Variants in CADM2 observed in about 807,000 individuals in gnomAD.
The protein encoded by CADM2 is cell adhesion molecule 2.
A neutral mutation model predicts 49.8 loss-of-function variants in CADM2; 12 were observed. The observed-to-expected ratio is 0.24, with a 90% CI of 0.15 to 0.39. The LOEUF is 0.39. Among genes scored for constraint, CADM2 ranks in the 10% least tolerant of loss-of-function variants. The pLI is 1.00. For synonymous variants in CADM2, 214 were observed against 175.4 expected, an observed-to-expected ratio of 1.22 and a Z score of -1.74; for missense variants, 378 against 492.3, an observed-to-expected ratio of 0.77 and a Z score of 2.20.
intron 3 of CADM2, among the ~76,000 whole-genome samples, chr3:85,828,801 G>GAT (rs1301304574): frequency 6.6e-6 from 1 of 151,908 alleles, no homozygotes. Flanking sequence ...CTGTGAGGGA[G>GAT]ATAATAATGA....
At chr3:85,621,462 GA>G (rs760230228) in intron 1 of CADM2, among the ~76,000 whole-genome samples, 1 of 152,052 alleles carries the variant, frequency 6.6e-6, no homozygotes, top group Non-Finnish European at 1.5e-5. Flanking sequence ...AACTAACTTT[GA>G]AAATTTGAAT....
At chr3:85,645,297 G>T (rs1412053326) in intron 1 of CADM2, among the ~76,000 whole-genome samples, 1 of 151,886 alleles carries the variant, frequency 6.6e-6, no homozygotes, top group Non-Finnish European at 1.5e-5. Context: ...CAAAATTGTT[G>T]CAGCAGTTAA....
At chr3:85,331,542 G>T (rs2044927094) in intron 1 of CADM2, among the ~76,000 whole-genome samples, 1 of 151,214 alleles carries the variant, frequency 6.6e-6, no homozygotes, top group South Asian at 2.1e-4. Flanking sequence ...CTTTTAGATT[G>T]GCCTTTTTGA....
chr3:85,691,248 G>A (rs6549050), intron 1 of CADM2, among the ~76,000 whole-genome samples: 55,531 of 152,042 alleles, frequency 0.37, 10,650 homozygotes, highest in Non-Finnish European at 0.41. Context: ...TGCTGCAAAT[G>A]AAAGGATTGT....
At chr3:85,135,526 T>G (rs2039390630) in intron 1 of CADM2, among the ~76,000 whole-genome samples, 2 of 152,228 alleles carry the variant, frequency 1.3e-5, no homozygotes, top group South Asian at 4.1e-4. Context: ...AAAGCACATA[T>G]AGTACTCATC....
intron 1 of CADM2, among the ~76,000 whole-genome samples, chr3:85,647,257 T>C (rs2064915844): frequency 6.6e-6 from 1 of 151,834 alleles, no homozygotes; most frequent in African/African-American, 2.4e-5. Context: ...CCATGGTATA[T>C]AATTTGAGTT....
intron 1 of CADM2, among the ~76,000 whole-genome samples, chr3:85,620,425 T>C (rs1467085849): frequency 6.6e-6 from 1 of 152,034 alleles, no homozygotes; most frequent in Non-Finnish European, 1.5e-5. Flanking sequence ...AGATCCAATG[T>C]TGGAATTGTT....
At chr3:85,583,347 T>A (rs956750676) in intron 1 of CADM2, among the ~76,000 whole-genome samples, 3 of 152,152 alleles carry the variant, frequency 2.0e-5, no homozygotes, top group Admixed American at 1.3e-4. Context: ...CTTCACCATA[T>A]TCACACTGTT....
chr3:85,925,568 G>A (rs1313839056), intron 6 of CADM2, among the ~76,000 whole-genome samples: 1 of 152,162 alleles, frequency 6.6e-6, no homozygotes, highest in Non-Finnish European at 1.5e-5. Context: ...TGCTGGAACT[G>A]AAAGAGTCCT....
chr3:85,208,111 T>A (rs2041695283), intron 1 of CADM2, among the ~76,000 whole-genome samples: 2 of 152,194 alleles, frequency 1.3e-5, no homozygotes, highest in South Asian at 4.1e-4. Context: ...AATGTTAGCA[T>A]CTCAGAAAGG....
At position 85,111,529 on chromosome 3, in the gene CADM2, A is replaced by G. The variant is rs575122841; in HGVS notation, c.61+151861A>G. ...AACGAGGCACAGAAAGACAAACATCATACGTTCTCACTTATTTGTGGGATC... is the reference window on the plus strand; with the variant it reads ...AACGAGGCACAGAAAGACAAACATCGTACGTTCTCACTTATTTGTGGGATC... On this transcript the variant is annotated intron_variant, in intron 1 of 9. Coordinates refer to ENST00000383699, the MANE Select transcript of CADM2 (RefSeq NM_001167675.2). 9.2e-5 allele frequency among the ~76,000 whole-genome samples: 14 copies of G among 152,014 alleles called. No individual in the cohort carries two copies. The South Asian group carries it at 2.3e-3, about 25-fold the overall frequency.
In CADM2 at chr3:85,861,431, C is replaced by A. The variant is rs555733695; in HGVS notation, c.239-21860C>A. 2.0e-4 allele frequency among the ~76,000 whole-genome samples: 31 copies of A among 152,048 alleles called. No homozygotes were observed. In the East Asian group the frequency reaches 4.1e-3, roughly 20 times the overall value. Reference sequence around the variant, plus strand: ...ATGGCTTGAGAAAGGATGAAGTTGACATAAAATGGAGTGGGAAAATTTCAG... The same window carrying A: ...ATGGCTTGAGAAAGGATGAAGTTGAAATAAAATGGAGTGGGAAAATTTCAG... On this transcript the variant is annotated intron_variant, in intron 3 of 9. Coordinates refer to ENST00000383699, the MANE Select transcript of CADM2 (RefSeq NM_001167675.2).
chr3:85,934,144 T>C (rs2108534750), intron 6 of CADM2, among the ~76,000 whole-genome samples: 1 of 152,230 alleles, frequency 6.6e-6, no homozygotes, highest in African/African-American at 2.4e-5. Context: ...ACTTTTTCCA[T>C]GAAAACTAAA....
At chr3:85,607,881 T>G (rs989222335) in intron 1 of CADM2, among the ~76,000 whole-genome samples, 1 of 151,960 alleles carries the variant, frequency 6.6e-6, no homozygotes, top group Non-Finnish European at 1.5e-5. Context: ...GGTCTCAAAC[T>G]CCTGACCTCG....
chr3:85,130,445 C>T (rs371304908), intron 1 of CADM2, among the ~76,000 whole-genome samples: 3 of 152,116 alleles, frequency 2.0e-5, no homozygotes, highest in African/African-American at 7.2e-5. Flanking sequence ...AATCTTCAAA[C>T]AATCTTCTTT....
chr3:85,475,874 C>T lies in CADM2; in HGVS notation c.62-250648C>T, dbSNP rs1248566338. 3.9e-5 allele frequency among the ~76,000 whole-genome samples: 6 copies of T among 151,910 alleles called. No homozygotes were observed. In the East Asian group the frequency reaches 1.2e-3, roughly 29 times the overall value. ...ATAGTTTCATTACCTCAATTAAAAT[C>T]AATTGATATACTTTATTAATTTGCC... On this transcript the variant is annotated intron_variant, in intron 1 of 9. Coordinates refer to ENST00000383699, the MANE Select transcript of CADM2 (RefSeq NM_001167675.2).
chr3:85,793,331 G>T (rs1260887771), intron 2 of CADM2, among the ~76,000 whole-genome samples: 1 of 152,090 alleles, frequency 6.6e-6, no homozygotes. Flanking sequence ...ACTAAACTTG[G>T]CAGCCAAAGA....
intron 8 of CADM2, among the ~76,000 whole-genome samples, chr3:85,973,656 T>C (rs901920591): frequency 1.3e-5 from 2 of 151,804 alleles, no homozygotes; most frequent in Non-Finnish European, 2.9e-5. Flanking sequence ...AAACTGATTA[T>C]GTAAACTAGA....
rs11329456 is a variant in CADM2 at position 85,175,919 on chromosome 3, C to CTTTTTTTTTTTTTTTTT, written c.61+216262_61+216278dup. Among the ~76,000 whole-genome samples the CTTTTTTTTTTTTTTTTT allele has an allele frequency of 7.9e-5, 6 of 76,266 alleles. 1 individual carries two copies. The highest frequency in any genetic ancestry group is 3.6e-4 in the Admixed American group (2 of 5,588). 50.0% of individuals were successfully genotyped at this position (76,266 alleles called of 152,430 possible). On this transcript the variant is annotated intron_variant, in intron 1 of 9. Transcript: ENST00000383699. ...CAGTTTATCTGAGTTATGTCCTAAT[C>CTTTTTTTTTTTTTTTTT]TTTTTTTTTTTTTTTTTTTTTTTTT...
Sources: gnomAD v4.1 joint callset for allele counts (sites outside exome capture counted in the v4.1 genomes callset) on GRCh38, gnomAD v4.1.1 for gene constraint, MANE v1.5 for transcripts, NCBI Gene and HGNC (gene_info 2026-07-23, HGNC 2026-07-21) for gene names.